Variants in PTPRD observed in about 807,000 individuals in gnomAD.
PTPRD encodes the protein receptor-type tyrosine-protein phosphatase delta.
In PTPRD, 34 loss-of-function variants were observed where a neutral mutation model predicts 214.5. The ratio of observed to expected loss-of-function variants is 0.16; its 90% CI spans 0.12 to 0.21. PTPRD has a LOEUF of 0.21. PTPRD is among the 10% of genes least tolerant of loss of function. PTPRD has a pLI of 1.00. For missense variants in PTPRD, 2,545 were observed against 2,398.7 expected (o/e 1.06, Z -1.27); for synonymous variants, 1,128 against 845.7 (o/e 1.33, Z -5.79).
intron 14 of PTPRD, among the ~76,000 whole-genome samples, chr9:8,604,205 C>A (rs993441423): frequency 1.6e-4 from 25 of 152,176 alleles, no homozygotes; most frequent in Admixed American, 1.0e-3. Flanking sequence ...GAGACCCATG[C>A]ATGAAGTAAA....
Position 10,295,798 on chromosome 9 carries a change from G to C in PTPRD, c.-545+45165C>G, listed in dbSNP as rs151099144. ...TCTATTCACATGAGCCTTGAAAGCA[G>C]AGAACTTTCCCTGGCTGGAGCAGAA... On this transcript the variant is annotated intron_variant, in intron 3 of 45. Coordinates refer to ENST00000381196, the MANE Select transcript of PTPRD (RefSeq NM_002839.4). Among the ~76,000 whole-genome samples, 473 of 152,140 alleles carry C rather than the reference G, an allele frequency of 3.1e-3. 3 individuals carry two copies. The highest frequency in any genetic ancestry group is 0.011 in the African/African-American group (438 of 41,526).
At chr9:9,394,094 T>G (rs1421180615) in intron 9 of PTPRD, among the ~76,000 whole-genome samples, 1 of 152,150 alleles carries the variant, frequency 6.6e-6, no homozygotes, top group Non-Finnish European at 1.5e-5. Context: ...AAAACTTTTA[T>G]TATCCTAAAA....
intron 7 of PTPRD, among the ~76,000 whole-genome samples, chr9:9,678,347 C>T (rs1235865206): frequency 6.6e-6 from 1 of 152,066 alleles, no homozygotes; most frequent in African/African-American, 2.4e-5. Flanking sequence ...ACCAAAACAA[C>T]ATGGTACTGG....
At chr9:8,877,760 C>T (rs147615733) in intron 11 of PTPRD, among the ~76,000 whole-genome samples, 1 of 152,160 alleles carries the variant, frequency 6.6e-6, no homozygotes, top group Admixed American at 6.5e-5. Context: ...GGCCAATAGA[C>T]AAAGTTACCA....
intron 11 of PTPRD, among the ~76,000 whole-genome samples, chr9:8,938,416 T>A (rs142880565): frequency 1.3e-5 from 2 of 152,146 alleles, no homozygotes; most frequent in African/African-American, 4.8e-5. Flanking sequence ...TATAATCACA[T>A]AATAAATATA....
Position 9,933,724 on chromosome 9 carries a change from G to T in PTPRD, c.-368+4783C>A, listed in dbSNP as rs1279018354. 3.4e-5 allele frequency among the ~76,000 whole-genome samples: 5 copies of T among 146,694 alleles called. No individual in the cohort carries two copies. The East Asian group carries it at 7.9e-4, about 23-fold the overall frequency. On this transcript the variant is annotated intron_variant, in intron 5 of 45. Coordinates refer to ENST00000381196, the MANE Select transcript of PTPRD (RefSeq NM_002839.4). ...AATTGAACTCAGCTCTGCACCAAGC[G>T]GACCTAATAGACATCTACAGAACTC...
intron 5 of PTPRD, among the ~76,000 whole-genome samples, chr9:9,872,798 C>G (rs1600465028): frequency 1.3e-5 from 2 of 151,906 alleles, no homozygotes; most frequent in Non-Finnish European, 2.9e-5. Context: ...AGTATGTTCC[C>G]AAATGAAAAA....
chr9:9,326,922 T>C (rs2040195842), intron 9 of PTPRD, among the ~76,000 whole-genome samples: 1 of 152,152 alleles, frequency 6.6e-6, no homozygotes, highest in Non-Finnish European at 1.5e-5. Context: ...TACCTATGTA[T>C]CAAAGCCTGT....
At chr9:10,494,641 C>G (rs1175758631) in intron 2 of PTPRD, among the ~76,000 whole-genome samples, 1 of 147,832 alleles carries the variant, frequency 6.8e-6, no homozygotes, top group African/African-American at 2.5e-5. Context: ...TTTTTTCACT[C>G]TAACAAATTG....
intron 14 of PTPRD, among the ~76,000 whole-genome samples, chr9:8,540,727 T>C (rs1463311143): frequency 3.3e-5 from 5 of 152,098 alleles, no homozygotes; most frequent in African/African-American, 1.2e-4. Flanking sequence ...TCATCACAGT[T>C]CTCTCTTCCT....
At chr9:8,558,154 C>T (rs755012441) in intron 14 of PTPRD, among the ~76,000 whole-genome samples, 6 of 152,180 alleles carry the variant, frequency 3.9e-5, no homozygotes, top group African/African-American at 9.7e-5. Context: ...TGCCTCCCTA[C>T]CTAGGTTTGA....
intron 44 of PTPRD, among the ~76,000 whole-genome samples, chr9:8,326,519 G>C (rs1320554284): frequency 1.3e-5 from 2 of 151,338 alleles, no homozygotes; most frequent in Non-Finnish European, 2.9e-5. Flanking sequence ...AGGGATATTG[G>C]CCTGGAATTT....
intron 3 of PTPRD, among the ~76,000 whole-genome samples, chr9:10,092,085 A>G (rs1473477691): frequency 1.3e-5 from 2 of 151,484 alleles, no homozygotes; most frequent in East Asian, 3.9e-4. Context: ...CATATAATGT[A>G]TTTTCTGCCA....
chr9:10,210,932 T>G (rs1230463331), intron 3 of PTPRD, among the ~76,000 whole-genome samples: 1 of 150,048 alleles, frequency 6.7e-6, no homozygotes, highest in Non-Finnish European at 1.5e-5. Context: ...AAGTAAGTCA[T>G]TCCATAAAAT....
At chr9:10,270,885 C>T (rs958228348) in intron 3 of PTPRD, among the ~76,000 whole-genome samples, 52 of 152,076 alleles carry the variant, frequency 3.4e-4, no homozygotes, top group African/African-American at 1.2e-3. Context: ...GTCTGGAGTG[C>T]AGTGGTGCAA....
At chr9:8,683,718 A>G (rs916359218) in intron 12 of PTPRD, among the ~76,000 whole-genome samples, 2 of 152,204 alleles carry the variant, frequency 1.3e-5, no homozygotes, top group African/African-American at 4.8e-5. Flanking sequence ...AGCACTGGCC[A>G]TAGAGTATGC....
At chr9:9,649,352 C>T (rs551302330) in intron 7 of PTPRD, among the ~76,000 whole-genome samples, 63 of 152,102 alleles carry the variant, frequency 4.1e-4, no homozygotes, top group Non-Finnish European at 7.4e-4. Flanking sequence ...TGTGTACACT[C>T]TATCTGTAAA....
At chr9:8,890,427 ATAAATTCATAGTG>A (rs2098529099) in intron 11 of PTPRD, among the ~76,000 whole-genome samples, 2 of 152,198 alleles carry the variant, frequency 1.3e-5, no homozygotes, top group Non-Finnish European at 2.9e-5. Context: ...GTCACCTCTC[ATAAATTCATAGTG>A]CTTCCCCTTG....
In PTPRD at chr9:10,245,679, CTA is replaced by C. The variant is rs377624932; in HGVS notation, c.-545+95282_-545+95283del. 9.1e-4 allele frequency among the ~76,000 whole-genome samples: 138 copies of C among 152,156 alleles called. 1 individual carries two copies. The South Asian group carries it at 0.027, about 29-fold the overall frequency. On this transcript the variant is annotated intron_variant, in intron 3 of 45. Coordinates refer to ENST00000381196, the MANE Select transcript of PTPRD (RefSeq NM_002839.4). ...GTGAATAATGAAATGAATAAACAAA[CTA>C]TGAAAAAAGAAACTGTCCTTCTACT...
Sources: gnomAD v4.1 joint callset for allele counts (sites outside exome capture counted in the v4.1 genomes callset) on GRCh38, gnomAD v4.1.1 for gene constraint, MANE v1.5 for transcripts, NCBI Gene and HGNC (gene_info 2026-07-23, HGNC 2026-07-21) for gene names.